Variants in IL17C observed in about 807,000 individuals in gnomAD.
The protein encoded by IL17C is interleukin 17C.
A neutral mutation model predicts 11.0 loss-of-function variants in IL17C; 13 were observed. That is an observed-to-expected ratio of 1.18 (90% CI 0.77 to 1.88). IL17C has a LOEUF of 1.88. Among genes scored for constraint, IL17C ranks in the 40% most tolerant of loss-of-function variants. IL17C has a pLI of 0.00. For synonymous variants in IL17C, 150 were observed against 125.8 expected, an observed-to-expected ratio of 1.19 and a Z score of -1.29; for missense variants, 357 against 278.2, an observed-to-expected ratio of 1.28 and a Z score of -2.01.
rs563567149 is a variant in IL17C, at chr16:88,639,700, A to C, written c.336-114A>C. On this transcript the variant is annotated intron_variant, in intron 2 of 2. Coordinates refer to ENST00000244241, the MANE Select transcript of IL17C (RefSeq NM_013278.4). The surrounding 1 kb of genome is among the most constrained non-coding windows in gnomAD (Gnocchi z 5.1). ...ACTGCACCCCAAGCCCGTGTGGCTCAGCCCTCGCTGCCTCAGGTCCTATCC... is the reference window on the plus strand; with the variant it reads ...ACTGCACCCCAAGCCCGTGTGGCTCCGCCCTCGCTGCCTCAGGTCCTATCC... The C allele has an allele frequency of 1.5e-6, 2 of 1,294,288 alleles. No homozygotes were observed. Among genetic ancestry groups the C allele is most frequent in the South Asian group, 3.1e-5 (2 of 64,014 alleles). The allele number at this position is 1,294,288 out of a possible 1,614,324, so 80.2% of individuals were successfully genotyped here.
In IL17C at chr16:88,639,879, G is replaced by A. The variant is rs748361727; in HGVS notation, c.401G>A (p.Cys134Tyr). ...LAFAECLCRG[C>Y]IDARTGRETA... ...TTCGCCGAGTGCCTGTGCAGAGGCT[G>A]TATCGATGCACGGACGGGCCGCGAG... Residue 134 changes from cysteine (C) to tyrosine (Y), a missense_variant, in exon 3 of 3, where the codon TGT becomes TAT. Physicochemically the swap from Cys to Tyr is radical, Grantham distance 194. Coordinates refer to ENST00000244241, the MANE Select transcript of IL17C (RefSeq NM_013278.4). This position sits in a 1 kb window ranked among gnomAD's most constrained non-coding sequence, Gnocchi z 5.1. 2 of 1,606,094 alleles carry A rather than the reference G, an allele frequency of 1.2e-6. No individual in the cohort carries two copies. Among genetic ancestry groups the A allele is most frequent in the African/African-American group, 1.3e-5 (1 of 74,776 alleles).
chr16:88,639,448 C>T lies in IL17C; in HGVS notation c.335+139C>T. 1 of 864,126 alleles carries T rather than the reference C, an allele frequency of 1.2e-6. No individual in the cohort carries two copies. The highest frequency in any genetic ancestry group is 1.8e-5 in the South Asian group (1 of 55,084). The allele number at this position is 864,126 out of a possible 1,614,324, so 53.5% of individuals were successfully genotyped here. A position where few individuals can be genotyped will look rare whatever the true frequency, so the allele number is the denominator to read the frequency against. On this transcript the variant is annotated intron_variant, in intron 2 of 2. Coordinates refer to ENST00000244241, the MANE Select transcript of IL17C (RefSeq NM_013278.4). This position sits in a 1 kb window ranked among gnomAD's most constrained non-coding sequence, Gnocchi z 5.1. ...CCACCTGAGCTCCCTCCCTCCGGCC[C>T]TCCTGACCTGGACGGCTGAGCTGCT...
Position 88,640,000 on chromosome 16 carries a change from G to A in IL17C, c.522G>A (p.Gly174=), listed in dbSNP as rs1364763439. The A allele has an allele frequency of 1.2e-6, 2 of 1,607,394 alleles. No individual in the cohort carries two copies. The highest frequency in any genetic ancestry group is 2.2e-5 in the East Asian group (1 of 44,722). The change falls in exon 3 of 3, where the codon GGG becomes GGA. Residue 174 remains glycine (G), a synonymous_variant. Coordinates refer to ENST00000244241, the MANE Select transcript of IL17C (RefSeq NM_013278.4). This position sits in a 1 kb window ranked among gnomAD's most constrained non-coding sequence, Gnocchi z 5.1. ...SRDGSGLPTP[G]AFAFHTEFIH... The stretch of plus-strand genomic sequence containing the variant: ...ACGGCTCGGGGCTCCCCACACCTGG[G>A]GCCTTTGCCTTCCACACCGAGTTCA...
Position 88,640,187 on chromosome 16 carries a change from G to C in IL17C, c.*115G>C. ...TCCCCCAACACTACCCTTGGGGTCT[G>C]GGCATTCCCCGTGTCTGGAGGACAG... On this transcript the variant is annotated 3_prime_UTR_variant, in exon 3 of 3. Transcript: ENST00000244241. 1 of 1,229,470 alleles carries C rather than the reference G, an allele frequency of 8.1e-7. No individual in the cohort carries two copies. The highest frequency in any genetic ancestry group is 2.5e-5 in the East Asian group (1 of 40,052). 76.2% of individuals were successfully genotyped at this position (1,229,470 alleles called of 1,614,324 possible).
rs1371675986 is a variant in IL17C, at chr16:88,639,315, G to A, written c.335+6G>A. On this transcript the variant is annotated splice_donor_region_variant and intron_variant, in intron 2 of 2. Transcript: ENST00000244241. This position sits in a 1 kb window ranked among gnomAD's most constrained non-coding sequence, Gnocchi z 5.1. Reference sequence around the variant, plus strand: ...ATCTCACCCTGGAGATACCGGTGAGGACCTGGGGATTCCGCTGTGGCGTGG... The same window carrying A: ...ATCTCACCCTGGAGATACCGGTGAGAACCTGGGGATTCCGCTGTGGCGTGG... The A allele has an allele frequency of 2.5e-6, 4 of 1,577,994 alleles. No individual in the cohort carries two copies. Among genetic ancestry groups the A allele is most frequent in the Non-Finnish European group, 2.6e-6 (3 of 1,161,442 alleles).
chr16:88,640,232 T>C lies in IL17C; in HGVS notation c.*160T>C, dbSNP rs968860516. On this transcript the variant is annotated 3_prime_UTR_variant, in exon 3 of 3. Coordinates refer to ENST00000244241, the MANE Select transcript of IL17C (RefSeq NM_013278.4). ...GGACAGCCCCCCACTGTTCTCCTCATCTCCAGCCTCAGTAGTTGGGGGTAG... is the reference window on the plus strand; with the variant it reads ...GGACAGCCCCCCACTGTTCTCCTCACCTCCAGCCTCAGTAGTTGGGGGTAG... 8.0e-6 allele frequency: 6 copies of C among 749,472 alleles called. No individual in the cohort carries two copies. The highest frequency in any genetic ancestry group is 1.2e-5 in the Non-Finnish European group (6 of 489,376). The allele number at this position is 749,472 out of a possible 1,614,324, so 46.4% of individuals were successfully genotyped here.
In IL17C at chr16:88,639,400, T is replaced by C. The variant is rs1867068639; in HGVS notation, c.335+91T>C. The C allele has an allele frequency of 1.6e-6, 2 of 1,266,364 alleles. No homozygotes were observed. The highest frequency in any genetic ancestry group is 2.1e-6 in the Non-Finnish European group (2 of 941,896). 78.4% of individuals were successfully genotyped at this position (1,266,364 alleles called of 1,614,324 possible). On this transcript the variant is annotated intron_variant, in intron 2 of 2. Coordinates refer to ENST00000244241, the MANE Select transcript of IL17C (RefSeq NM_013278.4). This position sits in a 1 kb window ranked among gnomAD's most constrained non-coding sequence, Gnocchi z 5.1. Reference sequence around the variant, plus strand: ...GGAGAGCTCTCTGGGCCTTGGTGGTTCTCACCTGTCAAGTGGGCGTGGCCA... The same window carrying C: ...GGAGAGCTCTCTGGGCCTTGGTGGTCCTCACCTGTCAAGTGGGCGTGGCCA...
intron 1 of IL17C, 154 bp downstream of exon 1, chr16:88,638,801 G>A (rs567112057): frequency 4.4e-5 from 57 of 1,289,502 alleles, no homozygotes; most frequent in East Asian, 3.8e-4. Flanking sequence ...GCAGATCCTC[G>A]GAGCGCTGGC....
Position 88,639,256 on chromosome 16 carries a change from G to T in IL17C, c.282G>T (p.Glu94Asp). ...CCCAGTGCCCGGTGCTGCGGCCGGA[G>T]GAGGTGTTGGAGGCAGACACCCACC... ...ATTQCPVLRP[E>D]EVLEADTHQR... Residue 94 changes from glutamate (E) to aspartate (D), a missense_variant, in exon 2 of 3, where the codon GAG becomes GAT. Transcript: ENST00000244241. This position sits in a 1 kb window ranked among gnomAD's most constrained non-coding sequence, Gnocchi z 5.1. 6.2e-7 allele frequency: 1 copy of T among 1,611,828 alleles called. No homozygotes were observed.
At chr16:88,638,873 G>A (rs1446350369) in intron 1 of IL17C, 108 bp from the exon 2 acceptor site, 34 of 1,206,458 alleles carry the variant, frequency 2.8e-5, no homozygotes, top group Non-Finnish European at 3.7e-5. Context: ...CATCTATAGA[G>A]GGAGGGCTGT....
chr16:88,640,167 C>A lies in IL17C; in HGVS notation c.*95C>A. 1 of 1,362,222 alleles carries A rather than the reference C, an allele frequency of 7.3e-7. No individual in the cohort carries two copies. Among genetic ancestry groups the A allele is most frequent in the Non-Finnish European group, 9.9e-7 (1 of 1,012,878 alleles). 84.4% of individuals were successfully genotyped at this position (1,362,222 alleles called of 1,614,324 possible). On this transcript the variant is annotated 3_prime_UTR_variant, in exon 3 of 3. Transcript: ENST00000244241. ...TTTATTGTTATTTATATGCCTCCCC[C>A]AACACTACCCTTGGGGTCTGGGCAT...
At chr16:88,638,823 C>CTT in intron 1 of IL17C, 158 bp from the exon 2 acceptor site, 1 of 1,202,084 alleles carries the variant, frequency 8.3e-7, no homozygotes, top group Non-Finnish European at 1.2e-6. Flanking sequence ...TGCTGGGTGT[C>CTT]TTGGGCTGAA....
chr16:88,638,853 TCA>T (rs1906969206), intron 1 of IL17C, 126 bp from the exon 2 acceptor site: 2 of 1,168,668 alleles, frequency 1.7e-6, no homozygotes, highest in South Asian at 2.7e-5. Flanking sequence ...TCTCTGGGCT[TCA>T]GTTTCCCCAT....
rs757599817 is a variant in IL17C at position 88,639,112 on chromosome 16, G to C, written c.138G>C (p.Gln46His). 36 of 1,613,116 alleles carry C rather than the reference G, an allele frequency of 2.2e-5. No individual in the cohort carries two copies. The highest frequency in any genetic ancestry group is 2.9e-5 in the Non-Finnish European group (34 of 1,179,932). The change falls in exon 2 of 3, where the codon CAG becomes CAC. Residue 46 changes from glutamine to histidine, a missense_variant. Physicochemically the swap from Gln to His is conservative, Grantham distance 24 (BLOSUM62 0). Coordinates refer to ENST00000244241, the MANE Select transcript of IL17C (RefSeq NM_013278.4). This position sits in a 1 kb window ranked among gnomAD's most constrained non-coding sequence, Gnocchi z 5.1. ...CYSAEELPLG[Q>H]APPHLLARGA... ...CGGCTGAGGAACTGCCCCTCGGCCA[G>C]GCCCCCCCACACCTGCTGGCTCGAG...
chr16:88,639,201 G>A lies in IL17C; in HGVS notation c.227G>A (p.Arg76Lys). The A allele has an allele frequency of 6.2e-7, 1 of 1,612,786 alleles. No individual in the cohort carries two copies. The highest frequency in any genetic ancestry group is 1.7e-4 in the Middle Eastern group (1 of 6,058). ...LVSSLEAASHRGRHERPSATT... is the reference protein window; with the variant it reads ...LVSSLEAASHKGRHERPSATT... ...TCCAGCCTGGAGGCAGCAAGCCACA[G>A]GGGGAGGCACGAGAGGCCCTCAGCT... The change falls in exon 2 of 3, where the codon AGG (arginine) becomes AAG (lysine). Residue 76 changes from arginine (R) to lysine (K), a missense_variant. Physicochemically the swap from Arg to Lys is conservative, Grantham distance 26. Coordinates refer to ENST00000244241, the MANE Select transcript of IL17C (RefSeq NM_013278.4). The surrounding 1 kb of genome is among the most constrained non-coding windows in gnomAD (Gnocchi z 5.1).
rs1255469735 is a variant in IL17C, at chr16:88,639,461, C to T, written c.335+152C>T. 16 of 812,972 alleles carry T rather than the reference C, an allele frequency of 2.0e-5. No homozygotes were observed. The highest frequency in any genetic ancestry group is 2.8e-5 in the Non-Finnish European group (15 of 535,388). The allele number at this position is 812,972 out of a possible 1,614,324, so 50.4% of individuals were successfully genotyped here. ...CTCCCTCCGGCCCTCCTGACCTGGA[C>T]GGCTGAGCTGCTGCTTGCGGCTGGC... On this transcript the variant is annotated intron_variant, in intron 2 of 2. Coordinates refer to ENST00000244241, the MANE Select transcript of IL17C (RefSeq NM_013278.4). This position sits in a 1 kb window ranked among gnomAD's most constrained non-coding sequence, Gnocchi z 5.1.
At position 88,638,982 on chromosome 16, in the gene IL17C, T is replaced by C. The variant is rs1436539454; in HGVS notation, c.8T>C (p.Leu3Pro). 1 of 1,558,608 alleles carries C rather than the reference T, an allele frequency of 6.4e-7. No homozygotes were observed. Among genetic ancestry groups the C allele is most frequent in the African/African-American group, 1.4e-5 (1 of 73,706 alleles). ...CCACCCACCTGCCTGTTTCACCAGC[T>C]CCTCCCCGGCCTCCTGTTTCTGACC... The part of the protein sequence containing the change: MT[L>P]LPGLLFLTWL... Residue 3 changes from leucine (L) to proline (P), a missense_variant and splice_region_variant, in exon 2 of 3, where the codon CTC (leucine) becomes CCC (proline). By Grantham distance (98) the Leu-to-Pro change is moderately conservative. Transcript: ENST00000244241.
At position 88,639,254 on chromosome 16, in the gene IL17C, G is replaced by C. The variant is rs748679931; in HGVS notation, c.280G>C (p.Glu94Gln). Residue 94 changes from glutamate (E) to glutamine (Q), a missense_variant, in exon 2 of 3, where the codon GAG becomes CAG. By Grantham distance (29) the Glu-to-Gln change is conservative. Transcript: ENST00000244241. This position sits in a 1 kb window ranked among gnomAD's most constrained non-coding sequence, Gnocchi z 5.1. ...GACCCAGTGCCCGGTGCTGCGGCCG[G>C]AGGAGGTGTTGGAGGCAGACACCCA... is the stretch of plus-strand genomic sequence containing the variant. ...ATTQCPVLRP[E>Q]EVLEADTHQR... 6 of 1,611,960 alleles carry C rather than the reference G, an allele frequency of 3.7e-6. No individual in the cohort carries two copies. The highest frequency in any genetic ancestry group is 5.1e-6 in the Non-Finnish European group (6 of 1,179,640).
At chr16:88,638,681 TGCTTGGATGTGCA>T in intron 1 of IL17C, 34 bp downstream of exon 1, 1 of 1,612,978 alleles carries the variant, frequency 6.2e-7, no homozygotes, top group Non-Finnish European at 8.5e-7. Context: ...GGATGGATGC[TGCTTGGATGTGCA>T]GCCTGGCATG....
Sources: allele counts gnomAD v4.1 joint callset, GRCh38; gene constraint gnomAD v4.1.1; non-coding constraint Gnocchi (gnomAD v3.1); transcripts MANE v1.5; gene names NCBI Gene and HGNC (gene_info 2026-07-23, HGNC 2026-07-21).